The following COL9A1 variants were observed in gnomAD, a reference collection of about 807,000 sequenced individuals.
The protein encoded by COL9A1 is collagen alpha-1(IX) chain.
COL9A1 carries 104 observed loss-of-function variants against 142.6 expected under a neutral mutation model. The observed-to-expected ratio is 0.73, with a 90% CI of 0.62 to 0.86. The LOEUF is 0.86. Among genes scored for constraint, COL9A1 ranks in the 40% least tolerant of loss-of-function variants. COL9A1 has a pLI of 0.00. For missense variants in COL9A1, 1,210 were observed against 1,176.6 expected, an observed-to-expected ratio of 1.03 and a Z score of -0.42; for synonymous variants, 466 against 396.0, an observed-to-expected ratio of 1.18 and a Z score of -2.10.
At chr6:70,300,283 T>G in intron 3 of COL9A1, 26 bp downstream of exon 3, 2 of 1,610,556 alleles carry the variant, frequency 1.2e-6, no homozygotes, top group Non-Finnish European at 1.7e-6. Flanking sequence ...AAGCATGCAT[T>G]TTCAATAGGG....
chr6:70,272,451 T>G (rs1381669133), intron 12 of COL9A1, among the ~76,000 whole-genome samples: 4 of 152,166 alleles, frequency 2.6e-5, no homozygotes, highest in Admixed American at 1.3e-4. Flanking sequence ...TTGTAGCATT[T>G]TATAGGAAAC....
chr6:70,292,035 G>A (rs537846359), intron 5 of COL9A1, among the ~76,000 whole-genome samples: 2 of 152,170 alleles, frequency 1.3e-5, no homozygotes, highest in Non-Finnish European at 2.9e-5. Context: ...TTAAGATGAT[G>A]TTTTAAAAAA....
intron 5 of COL9A1, among the ~76,000 whole-genome samples, chr6:70,284,913 A>AT (rs1773390040): frequency 6.6e-6 from 1 of 152,170 alleles, no homozygotes; most frequent in Non-Finnish European, 1.5e-5. Flanking sequence ...AAATTACATA[A>AT]TTTTTTTCAC....
chr6:70,219,175 A>G (rs1437569909), intron 37 of COL9A1, among the ~76,000 whole-genome samples: 1 of 152,190 alleles, frequency 6.6e-6, no homozygotes, highest in East Asian at 1.9e-4. Flanking sequence ...GCCAGATCTA[A>G]ATCCGATTTT....
chr6:70,244,886 T>C (rs1248165185), intron 28 of COL9A1, among the ~76,000 whole-genome samples: 1 of 152,200 alleles, frequency 6.6e-6, no homozygotes, highest in Non-Finnish European at 1.5e-5. Context: ...TATATATGAA[T>C]GAACAGCTCA....
chr6:70,282,341 C>A, intron 7 of COL9A1, among the ~76,000 whole-genome samples: 1 of 152,354 alleles, frequency 6.6e-6, no homozygotes, highest in Non-Finnish European at 1.5e-5. Flanking sequence ...GCTTATGCGC[C>A]CCCGCCGGGT....
chr6:70,245,173 C>G (rs926463058), intron 28 of COL9A1, among the ~76,000 whole-genome samples: 1 of 152,086 alleles, frequency 6.6e-6, no homozygotes. Flanking sequence ...GGTGTTGGGG[C>G]GAGTTTCTGA....
At chr6:70,261,964 C>G (rs995626497) in intron 19 of COL9A1, among the ~76,000 whole-genome samples, 26 of 152,012 alleles carry the variant, frequency 1.7e-4, no homozygotes, top group Admixed American at 1.7e-3. Context: ...TACCTATTCC[C>G]AAATAGCAGG....
rs374081953 is a variant in COL9A1 at position 70,302,967 on chromosome 6, G to A, written c.-43C>T. ...TTTGTTTGCCAACAGTCCCTATGAAGAAGGGGTTGGAAGGGAGTCACTGTC... is the reference window on the plus strand; with the variant it reads ...TTTGTTTGCCAACAGTCCCTATGAAAAAGGGGTTGGAAGGGAGTCACTGTC... On this transcript the variant is annotated 5_prime_UTR_variant, in exon 1 of 38. Transcript: ENST00000357250. The A allele has an allele frequency of 1.1e-4, 175 of 1,595,196 alleles. No individual in the cohort carries two copies. In the African/African-American group the frequency reaches 1.9e-3, roughly 18 times the overall value.
chr6:70,282,772 G>T, intron 7 of COL9A1, 126 bp downstream of exon 7: 1 of 1,425,828 alleles, frequency 7.0e-7, no homozygotes, highest in Non-Finnish European at 9.7e-7. Context: ...CTCGAGGCTG[G>T]AGGAAGCGCG....
intron 37 of COL9A1, among the ~76,000 whole-genome samples, chr6:70,223,775 C>T (rs1408394619): frequency 3.3e-5 from 5 of 152,224 alleles, no homozygotes; most frequent in Admixed American, 6.5e-5. Flanking sequence ...ATCTGGAACT[C>T]AGATTTGTCA....
intron 11 of COL9A1, 28 bp from the exon 12 acceptor site, chr6:70,274,110 T>C (rs1562319309): frequency 1.3e-6 from 2 of 1,562,730 alleles, no homozygotes; most frequent in Middle Eastern, 1.7e-4. Context: ...TTCATTGTAC[T>C]GACCTTTCAT....
intron 17 of COL9A1, among the ~76,000 whole-genome samples, chr6:70,267,327 G>GTTTTTTTTTTTTTTTTTTTTTTTTTTTTT: frequency 7.9e-6 from 1 of 127,030 alleles, no homozygotes; most frequent in Non-Finnish European, 1.7e-5. Flanking sequence ...TGGTTTTTTT[G>GTTTTTTTTTTTTTTTTTTTTTTTTTTTTT]TTTTTTTTTT....
At chr6:70,255,764 C>T (rs959067515) in intron 21 of COL9A1, among the ~76,000 whole-genome samples, 7 of 152,148 alleles carry the variant, frequency 4.6e-5, no homozygotes, top group Non-Finnish European at 1.0e-4. Flanking sequence ...CAATCTTTCC[C>T]TCATATTATT....
At position 70,280,732 on chromosome 6, in the gene COL9A1, TC is replaced by T. The variant is rs67240674; in HGVS notation, c.975+79del. On this transcript the variant is annotated intron_variant, in intron 10 of 37. Transcript: ENST00000357250. ...CTCTCTCTCTCTTTCTCTCTCTCCC[TC>T]CCCCCCCACAAAACACACACTTACT... 2.1e-4 allele frequency: 291 copies of T among 1,376,304 alleles called. 1 individual carries two copies. In the African/African-American group the frequency reaches 2.4e-3, roughly 11 times the overall value. 85.3% of individuals were successfully genotyped at this position (1,376,304 alleles called of 1,614,324 possible). A position where few individuals can be genotyped will look rare whatever the true frequency, so the allele number is the denominator to read the frequency against.
In COL9A1 at chr6:70,295,907, T is replaced by C. The variant is rs1773834067; in HGVS notation, c.300-1344A>G. Among the ~76,000 whole-genome samples, 3 of 152,212 alleles carry C rather than the reference T, an allele frequency of 2.0e-5. No homozygotes were observed. The South Asian group carries it at 6.2e-4, about 32-fold the overall frequency. The stretch of plus-strand genomic sequence containing the variant: ...AAATGCTAGGCAAACTAAATGCTAA[T>C]GAATTTTCTGTGCTAAACAATAAAA... On this transcript the variant is annotated intron_variant, in intron 4 of 37. Coordinates refer to ENST00000357250, the MANE Select transcript of COL9A1 (RefSeq NM_001851.6).
Position 70,242,680 on chromosome 6 carries a change from T to C in COL9A1, c.1908A>G (p.Pro636=), listed in dbSNP as rs1350230020. 3 of 1,614,160 alleles carry C rather than the reference T, an allele frequency of 1.9e-6. No individual in the cohort carries two copies. Among genetic ancestry groups the C allele is most frequent in the South Asian group, 1.1e-5 (1 of 91,082 alleles). The stretch of plus-strand genomic sequence containing the variant: ...TACTTACCAGTTTACCTGGTAGGCC[T>C]GGGGATCCCACTGGTCCTAATTCTC... ...SRGELGPVGS[P]GLPGKLGSLG... The change falls in exon 29 of 38, where the codon CCA becomes CCG. Residue 636 remains proline (P), a synonymous_variant. Coordinates refer to ENST00000357250, the MANE Select transcript of COL9A1 (RefSeq NM_001851.6).
intron 37 of COL9A1, among the ~76,000 whole-genome samples, chr6:70,223,444 AAGTT>A (rs1292093780): frequency 1.3e-5 from 2 of 152,226 alleles, no homozygotes; most frequent in East Asian, 3.9e-4. Flanking sequence ...CAATATCATA[AAGTT>A]AGTTAGTGGC....
chr6:70,235,001 A>G, intron 33 of COL9A1, 61 bp from the exon 34 acceptor site: 1 of 1,603,534 alleles, frequency 6.2e-7, no homozygotes, highest in Non-Finnish European at 8.5e-7. Context: ...CCTGCTTCAT[A>G]CTCATATAAA....
Sources: allele counts gnomAD v4.1 joint callset (sites outside exome capture counted in the v4.1 genomes callset), GRCh38; gene constraint gnomAD v4.1.1; transcripts MANE v1.5; gene names NCBI Gene and HGNC (gene_info 2026-07-23, HGNC 2026-07-21).